Variants in CADPS2 observed in about 807,000 individuals in gnomAD.
The protein encoded by CADPS2 is calcium-dependent secretion activator 2.
In CADPS2, 93 loss-of-function variants were observed where a neutral mutation model predicts 172.5. The ratio of observed to expected loss-of-function variants is 0.54; its 90% CI spans 0.46 to 0.64. The LOEUF is 0.64. Among genes scored for constraint, CADPS2 ranks in the 30% least tolerant of loss-of-function variants. The probability of loss-of-function intolerance (pLI) is 0.00; values close to 1 mark genes in which losing one functional copy is unlikely to be tolerated. For synonymous variants in CADPS2, 546 were observed against 555.2 expected (o/e 0.98, Z 0.23); for missense variants, 1,420 against 1,565.9 (o/e 0.91, Z 1.57).
chr7:122,684,594 A>G (rs538156009), intron 2 of CADPS2, among the ~76,000 whole-genome samples: 3 of 152,312 alleles, frequency 2.0e-5, no homozygotes, highest in South Asian at 4.1e-4. Context: ...ATTTTATAAA[A>G]TATTCCACAA....
intron 1 of CADPS2, among the ~76,000 whole-genome samples, chr7:122,862,590 C>T (rs1477514476): frequency 1.3e-5 from 2 of 152,116 alleles, no homozygotes; most frequent in Non-Finnish European, 2.9e-5. Flanking sequence ...GGCTTCCCTC[C>T]ATAGTCAATC....
chr7:122,716,529 T>C (rs2089626931), intron 2 of CADPS2, among the ~76,000 whole-genome samples: 2 of 151,960 alleles, frequency 1.3e-5, no homozygotes, highest in South Asian at 2.1e-4. Context: ...CTGTCCTTTG[T>C]AGGGTCGGGG....
In CADPS2 at chr7:122,742,166, G is replaced by A. The variant is rs773802558; in HGVS notation, c.340-5098C>T. 5.9e-5 allele frequency among the ~76,000 whole-genome samples: 9 copies of A among 152,122 alleles called. No individual in the cohort carries two copies. The East Asian group carries it at 1.4e-3, about 23-fold the overall frequency. On this transcript the variant is annotated intron_variant, in intron 1 of 29. Transcript: ENST00000449022. Reference sequence around the variant, plus strand: ...AGCATTTTGGGAGGTCAAGGCAGGCGGATCACCTGAGGTCAGGAGTTCGAG... The same window carrying A: ...AGCATTTTGGGAGGTCAAGGCAGGCAGATCACCTGAGGTCAGGAGTTCGAG...
intron 5 of CADPS2, among the ~76,000 whole-genome samples, chr7:122,621,000 G>A (rs2075543644): frequency 6.6e-6 from 1 of 152,002 alleles, no homozygotes; most frequent in Non-Finnish European, 1.5e-5. Flanking sequence ...TCAACCTCCT[G>A]GGCTCAAGCA....
At chr7:122,751,951 A>G (rs1000450041) in intron 1 of CADPS2, among the ~76,000 whole-genome samples, 3 of 152,142 alleles carry the variant, frequency 2.0e-5, no homozygotes, top group Admixed American at 6.6e-5. Flanking sequence ...ATTTAGAAGC[A>G]TTATCCTGAA....
At chr7:122,540,476 T>C (rs990367395) in intron 8 of CADPS2, among the ~76,000 whole-genome samples, 1 of 152,130 alleles carries the variant, frequency 6.6e-6, no homozygotes, top group African/African-American at 2.4e-5. Flanking sequence ...CTGTTGTGGG[T>C]ATGCTCCTCA....
intron 2 of CADPS2, among the ~76,000 whole-genome samples, chr7:122,714,354 T>C (rs1030831481): frequency 2.0e-5 from 3 of 152,142 alleles, no homozygotes; most frequent in Non-Finnish European, 4.4e-5. Flanking sequence ...CTATCAAATC[T>C]ACAACTTTCA....
chr7:122,405,837 T>C (rs922043414), intron 20 of CADPS2, among the ~76,000 whole-genome samples: 1 of 152,192 alleles, frequency 6.6e-6, no homozygotes, highest in Non-Finnish European at 1.5e-5. Flanking sequence ...GATAGGAGAA[T>C]GAATAAGACT....
intron 1 of CADPS2, among the ~76,000 whole-genome samples, chr7:122,853,933 T>C (rs1207234260): frequency 2.6e-5 from 4 of 152,164 alleles, no homozygotes; most frequent in African/African-American, 7.2e-5. Flanking sequence ...AGAAGCTCCT[T>C]CTACTGTGGG....
At chr7:122,391,440 G>A (rs899817132) in intron 22 of CADPS2, among the ~76,000 whole-genome samples, 6 of 152,068 alleles carry the variant, frequency 3.9e-5, no homozygotes, top group Non-Finnish European at 8.8e-5. Context: ...GCCCATGATA[G>A]TGTTCTTGGC....
chr7:122,586,074 T>C (rs1014462294), intron 6 of CADPS2, among the ~76,000 whole-genome samples: 6 of 152,108 alleles, frequency 3.9e-5, no homozygotes, highest in East Asian at 3.9e-4. Context: ...GGGCATGTGA[T>C]GAACTATTTT....
At chr7:122,524,136 C>G (rs2061023835) in intron 8 of CADPS2, among the ~76,000 whole-genome samples, 1 of 152,070 alleles carries the variant, frequency 6.6e-6, no homozygotes, top group Non-Finnish European at 1.5e-5. Flanking sequence ...AATAGTTTAG[C>G]AAGAAACAAA....
chr7:122,408,588 C>A (rs1487022290), intron 19 of CADPS2, among the ~76,000 whole-genome samples: 1 of 152,104 alleles, frequency 6.6e-6, no homozygotes, highest in Non-Finnish European at 1.5e-5. Context: ...CCATGCCCAG[C>A]TAATGTTTTT....
At chr7:122,684,446 T>C (rs1385372638) in intron 2 of CADPS2, among the ~76,000 whole-genome samples, 1 of 152,054 alleles carries the variant, frequency 6.6e-6, no homozygotes, top group Non-Finnish European at 1.5e-5. Flanking sequence ...CATATATATA[T>C]ATACACACAT....
chr7:122,430,685 C>T lies in CADPS2; in HGVS notation c.2476+7656G>A, dbSNP rs188922311. Among the ~76,000 whole-genome samples the T allele has an allele frequency of 1.2e-3, 188 of 152,232 alleles. 1 individual carries two copies. The highest frequency in any genetic ancestry group is 3.2e-3 in the Admixed American group (49 of 15,290). ...TCAATGAAATGGTAGCATTTTATAA[C>T]CCCAAGATTAAAAACAGCTGCTTTC... On this transcript the variant is annotated intron_variant, in intron 17 of 29. Transcript: ENST00000449022.
intron 3 of CADPS2, among the ~76,000 whole-genome samples, chr7:122,633,692 C>T (rs1386370474): frequency 6.6e-6 from 1 of 152,090 alleles, no homozygotes; most frequent in African/African-American, 2.4e-5. Flanking sequence ...TTATTTATTT[C>T]TATTGCCTGA....
At chr7:122,559,487 A>T (rs2065447636) in intron 7 of CADPS2, among the ~76,000 whole-genome samples, 1 of 152,098 alleles carries the variant, frequency 6.6e-6, no homozygotes, top group Admixed American at 6.5e-5. Flanking sequence ...ATAAGAAGAG[A>T]GGGCCAGGTG....
chr7:122,880,617 T>C (rs111901548), intron 1 of CADPS2, among the ~76,000 whole-genome samples: 3,985 of 152,280 alleles, frequency 0.026, 108 homozygotes, highest in African/African-American at 0.075. Flanking sequence ...CTGAAATCAA[T>C]TGGGAAGTTT....
chr7:122,638,818 CT>C (rs2077321594), intron 3 of CADPS2, among the ~76,000 whole-genome samples: 1 of 152,196 alleles, frequency 6.6e-6, no homozygotes. Context: ...CTTCGATTTT[CT>C]CTGTTCTCCA....
Sources: gnomAD v4.1 joint callset for allele counts (sites outside exome capture counted in the v4.1 genomes callset) on GRCh38, gnomAD v4.1.1 for gene constraint, MANE v1.5 for transcripts, NCBI Gene and HGNC (gene_info 2026-07-23, HGNC 2026-07-21) for gene names.